Variants in IL7 observed in about 807,000 individuals in gnomAD.
IL7 encodes the protein interleukin 7, also known as interleukin-7.
Under a neutral mutation model 21.6 loss-of-function variants are expected in IL7, and 3 were observed. The ratio of observed to expected loss-of-function variants is 0.14; its 90% CI spans 0.06 to 0.36. IL7 has a LOEUF of 0.36. IL7 is among the 10% of genes least tolerant of loss of function. IL7 has a pLI of 1.00. For missense variants in IL7, 175 were observed against 200.2 expected, an observed-to-expected ratio of 0.87 and a Z score of 0.76; for synonymous variants, 62 against 68.1, an observed-to-expected ratio of 0.91 and a Z score of 0.44.
chr8:78,779,039 C>CT (rs1456608090), intron 2 of IL7, among the ~76,000 whole-genome samples: 1 of 152,072 alleles, frequency 6.6e-6, no homozygotes, highest in East Asian at 1.9e-4. Context: ...ATTTTGCTTT[C>CT]TCCTTGTGTA....
intron 1 of IL7, among the ~76,000 whole-genome samples, chr8:78,799,130 T>A (rs1001458616): frequency 1.3e-5 from 2 of 152,168 alleles, no homozygotes; most frequent in South Asian, 4.1e-4. Context: ...TTGTAAACTC[T>A]GAGGCATGTT....
intron 2 of IL7, among the ~76,000 whole-genome samples, chr8:78,797,109 G>A (rs1263444008): frequency 6.6e-6 from 1 of 151,780 alleles, no homozygotes; most frequent in Non-Finnish European, 1.5e-5. Context: ...AAAATCATGG[G>A]GGATGCTTTG....
chr8:78,696,858 T>C (rs927386870), intron 3 of IL7, among the ~76,000 whole-genome samples: 2 of 152,194 alleles, frequency 1.3e-5, no homozygotes, highest in African/African-American at 4.8e-5. Flanking sequence ...CAGGAACATA[T>C]AAAAATCTTG....
At chr8:78,687,148 G>A (rs1318891571) in intron 3 of IL7, among the ~76,000 whole-genome samples, 1 of 151,940 alleles carries the variant, frequency 6.6e-6, no homozygotes, top group East Asian at 1.9e-4. Flanking sequence ...CAAGATTTTT[G>A]CAACCTTGTA....
At chr8:78,705,302 T>A (rs1250677066) in intron 3 of IL7, among the ~76,000 whole-genome samples, 1 of 152,214 alleles carries the variant, frequency 6.6e-6, no homozygotes, top group Admixed American at 6.5e-5. Flanking sequence ...GGGTTTGTTT[T>A]TTTGAACAAC....
At chr8:78,732,037 C>T (rs1241510688), downstream of IL7, among the ~76,000 whole-genome samples, 3 of 151,914 alleles carry the variant, frequency 2.0e-5, no homozygotes, top group African/African-American at 4.8e-5. Context: ...AATGTAAATT[C>T]CCTCATTTCT....
chr8:78,752,761 C>T (rs185365264), intron 2 of IL7, among the ~76,000 whole-genome samples: 11 of 152,228 alleles, frequency 7.2e-5, no homozygotes, highest in African/African-American at 2.6e-4. Context: ...CACCCTGCGA[C>T]AGGCCCCAAT....
At chr8:78,744,965 A>G (rs1020957272) in intron 2 of IL7, among the ~76,000 whole-genome samples, 7 of 152,040 alleles carry the variant, frequency 4.6e-5, no homozygotes, top group African/African-American at 7.2e-5. Context: ...TTTGTTTTCT[A>G]TGTTCTCCAT....
At chr8:78,692,533 T>C (rs960638691) in intron 3 of IL7, among the ~76,000 whole-genome samples, 1 of 152,178 alleles carries the variant, frequency 6.6e-6, no homozygotes, top group Admixed American at 6.5e-5. Context: ...TCTGTTTTGT[T>C]CTTTTGCAAA....
intron 3 of IL7, among the ~76,000 whole-genome samples, chr8:78,687,912 AAT>A (rs200421095): frequency 2.2e-4 from 25 of 114,640 alleles, no homozygotes; most frequent in African/African-American, 6.9e-4. Context: ...TATTTATATA[AAT>A]ATATAATTAT....
chr8:78,804,970 A>C lies in IL7; in HGVS notation c.-48T>G. On this transcript the variant is annotated 5_prime_UTR_variant, in exon 1 of 6. Transcript: ENST00000263851. ...TCATGATGACCGCAACTGGAGCAGGAGCAAGCTCTCACCGCCCATAGTCAC... is the reference window on the plus strand; with the variant it reads ...TCATGATGACCGCAACTGGAGCAGGCGCAAGCTCTCACCGCCCATAGTCAC... The C allele has an allele frequency of 6.2e-7, 1 of 1,601,998 alleles. No homozygotes were observed. Among genetic ancestry groups the C allele is most frequent in the African/African-American group, 1.3e-5 (1 of 74,776 alleles).
rs190442779 is a variant in IL7, at chr8:78,794,894, C to G, written c.147+3178G>C. Among the ~76,000 whole-genome samples the G allele has an allele frequency of 9.9e-5, 15 of 152,164 alleles. No homozygotes were observed. The South Asian group carries it at 3.1e-3, about 32-fold the overall frequency. On this transcript the variant is annotated intron_variant, in intron 2 of 5. Transcript: ENST00000263851. ...TACTTGGTCCATCATTCTATCCACA[C>G]CCAAACCCAACATCACCTACACAAA... is the stretch of plus-strand genomic sequence containing the variant.
At chr8:78,713,957 T>C (rs559669978), downstream of IL7, among the ~76,000 whole-genome samples, 1 of 152,306 alleles carries the variant, frequency 6.6e-6, no homozygotes, top group African/African-American at 2.4e-5. Flanking sequence ...GATGTTGTTA[T>C]TACCTGCATG....
chr8:78,738,750 C>T (rs1033695952), intron 3 of IL7, 115 bp from the exon 4 acceptor site: 12 of 822,828 alleles, frequency 1.5e-5, no homozygotes, highest in African/African-American at 1.0e-4. Context: ...CCCGCCTCCA[C>T]CCCAGCTTTC....
intron 3 of IL7, among the ~76,000 whole-genome samples, chr8:78,705,529 G>A (rs1446424475): frequency 6.6e-6 from 1 of 152,174 alleles, no homozygotes; most frequent in Non-Finnish European, 1.5e-5. Context: ...ACTCCAGTTG[G>A]GAGGCTCCAC....
At chr8:78,788,254 C>G (rs1231627276) in intron 2 of IL7, among the ~76,000 whole-genome samples, 1 of 151,982 alleles carries the variant, frequency 6.6e-6, no homozygotes, top group Non-Finnish European at 1.5e-5. Context: ...TCAATTTCAT[C>G]TCTAATTTCA....
intron 2 of IL7, among the ~76,000 whole-genome samples, chr8:78,743,646 T>G (rs1001065563): frequency 6.6e-6 from 1 of 152,200 alleles, no homozygotes; most frequent in Admixed American, 6.5e-5. Flanking sequence ...TTCTCTATAC[T>G]GGCTATTTTG....
At chr8:78,722,306 A>G (rs898385974) in intron 3 of IL7, among the ~76,000 whole-genome samples, 5 of 151,968 alleles carry the variant, frequency 3.3e-5, no homozygotes, top group African/African-American at 1.2e-4. Context: ...TAAAAGCTGT[A>G]TTGCTGAAAG....
chr8:78,708,893 C>T (rs1043194884), intron 3 of IL7, among the ~76,000 whole-genome samples: 2 of 151,936 alleles, frequency 1.3e-5, no homozygotes, highest in Non-Finnish European at 2.9e-5. Context: ...CTCAAACTTC[C>T]GACCTCAAGT....
Sources: gnomAD v4.1 joint callset for allele counts (sites outside exome capture counted in the v4.1 genomes callset) on GRCh38, gnomAD v4.1.1 for gene constraint, MANE v1.5 for transcripts, NCBI Gene and HGNC (gene_info 2026-07-23, HGNC 2026-07-21) for gene names.